The following NEK1 variants were observed in gnomAD, a reference collection of about 807,000 sequenced individuals.
NEK1 encodes the protein serine/threonine-protein kinase Nek1.
NEK1 carries 137 observed loss-of-function variants against 182.1 expected under a neutral mutation model. That is an observed-to-expected ratio of 0.75 (90% CI 0.65 to 0.87). The LOEUF (loss-of-function observed/expected upper bound fraction) is 0.87. Among genes scored for constraint, NEK1 ranks in the 40% least tolerant of loss-of-function variants. The probability of loss-of-function intolerance (pLI) is 0.00; values close to 1 mark genes in which losing one functional copy is unlikely to be tolerated. For missense variants in NEK1, 1,391 were observed against 1,494.4 expected (o/e 0.93, Z 1.14); for synonymous variants, 513 against 492.2 (o/e 1.04, Z -0.56).
chr4:169,600,957 C>G (rs1400817750), intron 4 of NEK1, among the ~76,000 whole-genome samples: 1 of 152,008 alleles, frequency 6.6e-6, no homozygotes, highest in Non-Finnish European at 1.5e-5. Context: ...AACCTTTTAA[C>G]TTGAAATATT....
intron 18 of NEK1, 35 bp downstream of exon 18, chr4:169,555,681 TACAC>T: frequency 6.2e-7 from 1 of 1,613,026 alleles, no homozygotes; most frequent in Non-Finnish European, 8.5e-7. Context: ...ACGACAAAAT[TACAC>T]ACATGGATGA....
chr4:169,537,655 T>C (rs899884178), intron 19 of NEK1, among the ~76,000 whole-genome samples, 154 bp downstream of exon 19: 1 of 152,330 alleles, frequency 6.6e-6, no homozygotes, highest in Admixed American at 6.5e-5. Context: ...TATCACAATT[T>C]TATACTCTGC....
chr4:169,415,104 CA>C (rs1023995600), intron 31 of NEK1, among the ~76,000 whole-genome samples: 8 of 152,166 alleles, frequency 5.3e-5, no homozygotes, highest in Non-Finnish European at 7.3e-5. Flanking sequence ...AGCTATATTG[CA>C]AAATGTGACT....
At chr4:169,430,168 G>T (rs559391866) in intron 29 of NEK1, among the ~76,000 whole-genome samples, 1 of 152,096 alleles carries the variant, frequency 6.6e-6, no homozygotes, top group East Asian at 1.9e-4. Context: ...CTGCCTTTAA[G>T]GAGCTTTTTT....
At chr4:169,434,293 A>G (rs1650181113) in intron 28 of NEK1, among the ~76,000 whole-genome samples, 1 of 149,154 alleles carries the variant, frequency 6.7e-6, no homozygotes, top group Admixed American at 6.8e-5. Flanking sequence ...ACTCACTACA[A>G]CCTACACCTC....
intron 4 of NEK1, among the ~76,000 whole-genome samples, chr4:169,600,748 TG>T: frequency 6.6e-6 from 1 of 152,320 alleles, no homozygotes; most frequent in South Asian, 2.1e-4. Context: ...GATGTTATAA[TG>T]TATGTAGCAT....
intron 23 of NEK1, among the ~76,000 whole-genome samples, chr4:169,487,063 G>A (rs1044534139): frequency 1.3e-5 from 2 of 152,082 alleles, no homozygotes; most frequent in Non-Finnish European, 2.9e-5. Flanking sequence ...ATCCCAATTG[G>A]TACTACAATT....
chr4:169,414,784 T>A (rs1734251385), intron 31 of NEK1, among the ~76,000 whole-genome samples: 1 of 152,216 alleles, frequency 6.6e-6, no homozygotes, highest in Admixed American at 6.5e-5. Flanking sequence ...GGTACCCACA[T>A]TAAAATTCTA....
At chr4:169,481,951 G>GA (rs1261632110) in intron 23 of NEK1, among the ~76,000 whole-genome samples, 1 of 152,196 alleles carries the variant, frequency 6.6e-6, no homozygotes, top group East Asian at 1.9e-4. Flanking sequence ...TATCTACACT[G>GA]AAAATCTGTT....
intron 31 of NEK1, 116 bp downstream of exon 31, chr4:169,424,437 G>T: frequency 8.4e-7 from 1 of 1,195,486 alleles, no homozygotes; most frequent in Non-Finnish European, 1.1e-6. Context: ...GTTTTTGTTG[G>T]ATGTGTGTTT....
At chr4:169,528,081 C>A (rs1366769914) in intron 19 of NEK1, among the ~76,000 whole-genome samples, 2 of 152,032 alleles carry the variant, frequency 1.3e-5, no homozygotes, top group African/African-American at 4.8e-5. Context: ...AAGGATATGC[C>A]TTACTGACTA....
At chr4:169,460,338 TA>T (rs60082117) in intron 27 of NEK1, among the ~76,000 whole-genome samples, 15,127 of 140,926 alleles carry the variant, frequency 0.11, 979 homozygotes, top group African/African-American at 0.2. Context: ...GGTGGCAGGT[TA>T]AAAAAAAAAA....
chr4:169,473,685 G>C (rs1397789932), intron 26 of NEK1, among the ~76,000 whole-genome samples: 4 of 152,090 alleles, frequency 2.6e-5, no homozygotes, highest in African/African-American at 9.7e-5. Context: ...AGGAGTTTGA[G>C]ACCAGCCTGG....
At chr4:169,594,644 A>G (rs1156626336) in intron 5 of NEK1, among the ~76,000 whole-genome samples, 1 of 152,296 alleles carries the variant, frequency 6.6e-6, no homozygotes, top group East Asian at 1.9e-4. Context: ...CTTTGATTAA[A>G]TAAGTAACCA....
intron 19 of NEK1, among the ~76,000 whole-genome samples, chr4:169,524,262 T>G (rs926000373): frequency 2.0e-4 from 30 of 152,014 alleles, no homozygotes; most frequent in African/African-American, 7.2e-4. Context: ...GTCAAGTGTT[T>G]GGGGCCAGCC....
Position 169,542,056 on chromosome 4 carries a change from G to C in NEK1, c.1563-4145C>G, listed in dbSNP as rs1478206947. On this transcript the variant is annotated intron_variant, in intron 18 of 35. Transcript: ENST00000507142. The stretch of plus-strand genomic sequence containing the variant: ...TTGTTTTATTACACTTTAAGTTCTG[G>C]GGTACATGTGCAAAAAGTGCAGGTT... Among the ~76,000 whole-genome samples the C allele has an allele frequency of 2.0e-5, 3 of 152,068 alleles. No individual in the cohort carries two copies. The East Asian group carries it at 5.8e-4, about 29-fold the overall frequency.
chr4:169,434,642 T>C (rs949352093), intron 28 of NEK1, among the ~76,000 whole-genome samples: 13 of 152,184 alleles, frequency 8.5e-5, no homozygotes, highest in African/African-American at 3.1e-4. Flanking sequence ...TCCTTTCCAA[T>C]TAAGATTATC....
intron 18 of NEK1, among the ~76,000 whole-genome samples, chr4:169,548,091 C>T (rs949918598): frequency 6.6e-6 from 1 of 152,200 alleles, no homozygotes; most frequent in Admixed American, 6.5e-5. Flanking sequence ...GCGCTGGTTT[C>T]TCCCCATCTT....
chr4:169,413,052 A>AC (rs559695882), intron 31 of NEK1, among the ~76,000 whole-genome samples: 64 of 151,888 alleles, frequency 4.2e-4, no homozygotes, highest in Non-Finnish European at 5.9e-4. Context: ...TATAAACTCT[A>AC]CCTTCTGTTC....
Sources: gnomAD v4.1 joint callset for allele counts (sites outside exome capture counted in the v4.1 genomes callset) on GRCh38, gnomAD v4.1.1 for gene constraint, MANE v1.5 for transcripts, NCBI Gene and HGNC (gene_info 2026-07-23, HGNC 2026-07-21) for gene names.